CKAP5: variants seen among roughly 807,000 people sequenced by gnomAD.
CKAP5 encodes cytoskeleton associated protein 5, also known as cytoskeleton-associated protein 5.
CKAP5 carries 27 observed loss-of-function variants against 232.8 expected under a neutral mutation model. The ratio of observed to expected loss-of-function variants is 0.12; its 90% CI spans 0.09 to 0.16. The LOEUF (loss-of-function observed/expected upper bound fraction) is 0.16, where lower values mean the gene tolerates loss of function less well. Among genes scored for constraint, CKAP5 ranks in the 10% least tolerant of loss-of-function variants. The probability of loss-of-function intolerance (pLI) is 1.00; values close to 1 mark genes in which losing one functional copy is unlikely to be tolerated. For missense variants in CKAP5, 1,838 were observed against 2,424.7 expected (o/e 0.76, Z 5.08); for synonymous variants, 785 against 841.1 (o/e 0.93, Z 1.16).
chr11:46,804,890 C>A (rs1565744558), intron 8 of CKAP5, among the ~76,000 whole-genome samples: 1 of 151,422 alleles, frequency 6.6e-6, no homozygotes, highest in Non-Finnish European at 1.5e-5. Context: ...TAGGCATAGG[C>A]ACATGACAAA....
chr11:46,763,954 G>GC (rs1360120634), intron 28 of CKAP5, among the ~76,000 whole-genome samples: 1 of 152,052 alleles, frequency 6.6e-6, no homozygotes, highest in Admixed American at 6.6e-5. Flanking sequence ...TTCTGCCTTA[G>GC]CCCCCCAAGT....
chr11:46,800,125 A>G (rs1463548357), intron 9 of CKAP5, among the ~76,000 whole-genome samples: 1 of 152,208 alleles, frequency 6.6e-6, no homozygotes, highest in Non-Finnish European at 1.5e-5. Flanking sequence ...TATAAAATTG[A>G]TCAAAATGGC....
At chr11:46,773,956 C>T (rs376225809) in intron 24 of CKAP5, among the ~76,000 whole-genome samples, 33 of 152,174 alleles carry the variant, frequency 2.2e-4, no homozygotes, top group Middle Eastern at 3.4e-3. Context: ...CTTTGAAAAC[C>T]GGCATAAGAC....
In CKAP5 at chr11:46,777,532, G is replaced by T; in HGVS notation, c.2769C>A (p.Ile923=). The T allele has an allele frequency of 2.5e-6, 4 of 1,613,322 alleles. No individual in the cohort carries two copies. The highest frequency in any genetic ancestry group is 3.4e-6 in the Non-Finnish European group (4 of 1,179,380). ...CCATGGCTACTGCCAGTTGTTGCAG[G>T]ATATTCAGCGTTTGCTGTACCTGAG... ...NKILVQQTLN[I]LQQLAVAMGP... The change falls in exon 23 of 44, where the codon ATC becomes ATA. Residue 923 remains isoleucine, a synonymous_variant. Transcript: ENST00000529230.
chr11:46,779,797 A>T (rs1186610409), intron 20 of CKAP5, among the ~76,000 whole-genome samples: 2 of 148,940 alleles, frequency 1.3e-5, no homozygotes, highest in Non-Finnish European at 3.0e-5. Context: ...TTTTTTGATT[A>T]TTTTTTTGTA....
intron 13 of CKAP5, 45 bp downstream of exon 13, chr11:46,795,549 T>C (rs771053169): frequency 6.6e-7 from 1 of 1,526,306 alleles, no homozygotes; most frequent in South Asian, 1.2e-5. Context: ...AACCTGAGAC[T>C]CAGACCCTTC....
Position 46,783,294 on chromosome 11 carries a change from T to G in CKAP5, c.2229A>C (p.Ile743=), listed in dbSNP as rs760050043. 1.9e-6 allele frequency: 3 copies of G among 1,610,442 alleles called. No individual in the cohort carries two copies. In the South Asian group the frequency reaches 3.3e-5, roughly 18 times the overall value. The change falls in exon 18 of 44, where the codon ATA becomes ATC. Residue 743 remains isoleucine, a synonymous_variant. Transcript: ENST00000529230. ...CTTACCCAGAAAAACCAAATTCTTT[T>G]ATGGCATTTGATAGCCAATTCAGAG... ...SETLNWLSNA[I]KEFGFSGLNV... is the part of the protein sequence containing the mutation.
chr11:46,801,444 T>G, intron 8 of CKAP5, 140 bp from the exon 9 acceptor site: 1 of 572,178 alleles, frequency 1.7e-6, no homozygotes, highest in South Asian at 1.8e-5. Context: ...CCAAGGTGGG[T>G]GGACCACCTG....
Position 46,759,257 on chromosome 11 carries a change from A to G in CKAP5, c.4568+12T>C. 1.2e-6 allele frequency: 2 copies of G among 1,608,064 alleles called. No individual in the cohort carries two copies. The highest frequency in any genetic ancestry group is 1.7e-6 in the Non-Finnish European group (2 of 1,177,244). On this transcript the variant is annotated intron_variant, in intron 34 of 43. Transcript: ENST00000529230. Reference sequence around the variant, plus strand: ...TGAACTGCTCATATTTAAATGAAAGAGTTTAACTCACTTGGGTTCAGGAAT... The same window carrying G: ...TGAACTGCTCATATTTAAATGAAAGGGTTTAACTCACTTGGGTTCAGGAAT...
At chr11:46,804,663 G>T (rs1939112598) in intron 8 of CKAP5, among the ~76,000 whole-genome samples, 1 of 151,764 alleles carries the variant, frequency 6.6e-6, no homozygotes, top group African/African-American at 2.4e-5. Flanking sequence ...CGTTGACAGA[G>T]GAAAGGAAAC....
intron 1 of CKAP5, among the ~76,000 whole-genome samples, chr11:46,827,719 C>A (rs1939687572): frequency 2.0e-5 from 3 of 152,174 alleles, no homozygotes; most frequent in African/African-American, 7.2e-5. Flanking sequence ...ATGTACAAGT[C>A]TATGTAAGTA....
At chr11:46,776,049 T>C (rs897174558) in intron 24 of CKAP5, among the ~76,000 whole-genome samples, 2 of 152,066 alleles carry the variant, frequency 1.3e-5, no homozygotes, top group African/African-American at 4.8e-5. Context: ...AGCCTAGTCC[T>C]CTAAAAAGCG....
chr11:46,793,240 G>C (rs1938783552), intron 13 of CKAP5, among the ~76,000 whole-genome samples: 1 of 152,236 alleles, frequency 6.6e-6, no homozygotes, highest in Admixed American at 6.5e-5. Flanking sequence ...TTGTTACAGT[G>C]ATTAAATGAC....
At chr11:46,746,115 C>T (rs567990880) in intron 42 of CKAP5, among the ~76,000 whole-genome samples, 66 of 152,232 alleles carry the variant, frequency 4.3e-4, no homozygotes, top group African/African-American at 1.4e-3. Flanking sequence ...CTGAAAAACA[C>T]AAAGGGACAT....
At chr11:46,752,531 G>T (rs1188778177) in intron 38 of CKAP5, 104 bp downstream of exon 38, 2 of 789,878 alleles carry the variant, frequency 2.5e-6, no homozygotes, top group Non-Finnish European at 2.0e-6. Flanking sequence ...TGACTTGGTT[G>T]ATTTGAGCCT....
At chr11:46,837,751 T>C (rs943103509) in intron 1 of CKAP5, among the ~76,000 whole-genome samples, 3 of 152,078 alleles carry the variant, frequency 2.0e-5, no homozygotes, top group African/African-American at 4.8e-5. Context: ...AACAACAAAA[T>C]AATGTAATAT....
At position 46,757,887 on chromosome 11, in the gene CKAP5, A is replaced by ATTT. The variant is rs947880979; in HGVS notation, c.4689+1033_4689+1035dup. Among the ~76,000 whole-genome samples, 308 of 108,170 alleles carry ATTT rather than the reference A, an allele frequency of 2.8e-3. 1 individual carries two copies. The highest frequency in any genetic ancestry group is 0.01 in the African/African-American group (288 of 27,572). The allele number at this position is 108,170 out of a possible 152,430, so 71.0% of individuals were successfully genotyped here. On this transcript the variant is annotated intron_variant, in intron 35 of 43. Transcript: ENST00000529230. ...AGGTGTGAGCCACCACACCTGGCCT[A>ATTT]TTTTTTTTTTTTTTTTTTGAGACAT...
In CKAP5 at chr11:46,797,898, C is replaced by T; in HGVS notation, c.1245G>A (p.Gln415=). ...AACTTCTTGCAATAAAAAGAGATGTCTGCTGCTTGATGGTTGGATTTTTAT... is the reference window on the plus strand; with the variant it reads ...AACTTCTTGCAATAAAAAGAGATGTTTGCTGCTTGATGGTTGGATTTTTAT... ...MDNKNPTIKQ[Q]TSLFIARSFR... is the part of the protein sequence containing the mutation. The change falls in exon 11 of 44, where the codon CAG becomes CAA. Residue 415 remains glutamine (Q), a synonymous_variant. Coordinates refer to ENST00000529230, the MANE Select transcript of CKAP5 (RefSeq NM_001008938.4). 6.2e-7 allele frequency: 1 copy of T among 1,614,066 alleles called. No homozygotes were observed. Among genetic ancestry groups the T allele is most frequent in the Non-Finnish European group, 8.5e-7 (1 of 1,180,010 alleles).
intron 1 of CKAP5, among the ~76,000 whole-genome samples, chr11:46,836,911 TAA>T (rs1019224577): frequency 6.6e-6 from 1 of 152,190 alleles, no homozygotes; most frequent in African/African-American, 2.4e-5. Context: ...ATGCAAATTT[TAA>T]AAAGTCATTT....
Sources: allele counts gnomAD v4.1 joint callset (sites outside exome capture counted in the v4.1 genomes callset), GRCh38; gene constraint gnomAD v4.1.1; transcripts MANE v1.5; gene names NCBI Gene and HGNC (gene_info 2026-07-23, HGNC 2026-07-21).